Variants in PIP5K1B observed in about 807,000 individuals in gnomAD.
PIP5K1B encodes the protein phosphatidylinositol-4-phosphate 5-kinase type 1 beta.
A neutral mutation model predicts 67.0 loss-of-function variants in PIP5K1B; 42 were observed. That is an observed-to-expected ratio of 0.63 (90% confidence interval 0.49 to 0.81). PIP5K1B has a LOEUF of 0.81. PIP5K1B is among the 30% of genes least tolerant of loss of function. The pLI, the probability that PIP5K1B is intolerant of heterozygous loss-of-function variation, is 0.00. For missense variants in PIP5K1B, 459 were observed against 646.3 expected (o/e 0.71, Z 3.14); for synonymous variants, 214 against 231.4 (o/e 0.92, Z 0.68).
At chr9:68,921,040 T>C (rs776421956) in intron 11 of PIP5K1B, among the ~76,000 whole-genome samples, 9 of 152,202 alleles carry the variant, frequency 5.9e-5, no homozygotes, top group South Asian at 2.1e-4. Context: ...GAGCCCATAA[T>C]TTCTCAGTTC....
chr9:68,725,363 A>C (rs1828101458), intron 1 of PIP5K1B, among the ~76,000 whole-genome samples: 1 of 152,204 alleles, frequency 6.6e-6, no homozygotes, highest in Admixed American at 6.5e-5. Context: ...CTATGGAATG[A>C]AAATCTAGCC....
chr9:68,754,640 T>C (rs4745237), intron 2 of PIP5K1B, among the ~76,000 whole-genome samples: 34,084 of 152,218 alleles, frequency 0.22, 4,650 homozygotes, highest in South Asian at 0.33. Flanking sequence ...GCTCTGATTT[T>C]ATTTTCAGGT....
intron 4 of PIP5K1B, among the ~76,000 whole-genome samples, chr9:68,852,298 G>A (rs1822531889): frequency 6.6e-6 from 1 of 152,078 alleles, no homozygotes. Context: ...ACCATAAGGG[G>A]TAGTTCAGTG....
At chr9:68,910,465 G>C (rs938940207) in intron 8 of PIP5K1B, among the ~76,000 whole-genome samples, 3 of 152,184 alleles carry the variant, frequency 2.0e-5, no homozygotes, top group Non-Finnish European at 4.4e-5. Flanking sequence ...TTAAGATACA[G>C]GGTGTAGTGT....
At chr9:68,791,477 C>A (rs940221274) in intron 2 of PIP5K1B, among the ~76,000 whole-genome samples, 1 of 152,224 alleles carries the variant, frequency 6.6e-6, no homozygotes, top group African/African-American at 2.4e-5. Context: ...TGGTTTTCTT[C>A]ATTGTTTGTT....
intron 4 of PIP5K1B, among the ~76,000 whole-genome samples, chr9:68,842,805 C>T (rs1247484757): frequency 6.6e-6 from 1 of 152,184 alleles, no homozygotes; most frequent in Non-Finnish European, 1.5e-5. Context: ...TCAATAGTGC[C>T]AAAGTTGAGA....
At position 68,924,095 on chromosome 9, in the gene PIP5K1B, A is replaced by G. The variant is rs539192661; in HGVS notation, c.1201+709A>G. On this transcript the variant is annotated intron_variant, in intron 12 of 15. Coordinates refer to ENST00000265382, the MANE Select transcript of PIP5K1B (RefSeq NM_003558.4). Reference sequence around the variant, plus strand: ...AGTGCTCTGAGGAAAATTTATAGCTATAAACTCTTACCTTTAAAAAAAAAA... The same window carrying G: ...AGTGCTCTGAGGAAAATTTATAGCTGTAAACTCTTACCTTTAAAAAAAAAA... Among the ~76,000 whole-genome samples the G allele has an allele frequency of 1.1e-3, 163 of 148,878 alleles. 1 individual carries two copies. Among genetic ancestry groups the G allele is most frequent in the African/African-American group, 3.7e-3 (146 of 39,908 alleles).
chr9:68,855,191 C>T (rs1822703361), intron 4 of PIP5K1B, among the ~76,000 whole-genome samples: 2 of 152,142 alleles, frequency 1.3e-5, no homozygotes, highest in South Asian at 4.1e-4. Flanking sequence ...TTCAAACTCT[C>T]TTTTCTTGGT....
Position 68,705,316 on chromosome 9 carries a change from T to C in PIP5K1B, c.-689T>C, listed in dbSNP as rs1473142185. 6.6e-6 allele frequency: 1 copy of C among 150,914 alleles called. No individual in the cohort carries two copies. The highest frequency in any genetic ancestry group is 1.5e-5 in the Non-Finnish European group (1 of 67,556). 9.3% of individuals were successfully genotyped at this position (150,914 alleles called of 1,614,324 possible). A position where few individuals can be genotyped will look rare whatever the true frequency, so the allele number is the denominator to read the frequency against. ...CGAGCCCGGCGGGCGCCGCTGCTGC[T>C]CCTCTCGGTCCCCGGTTCCCGGTCC... On this transcript the variant is annotated 5_prime_UTR_variant, in exon 1 of 16. Transcript: ENST00000265382.
At chr9:68,852,736 C>T (rs1199135528) in intron 4 of PIP5K1B, among the ~76,000 whole-genome samples, 1 of 152,176 alleles carries the variant, frequency 6.6e-6, no homozygotes, top group Non-Finnish European at 1.5e-5. Flanking sequence ...TATCAGCCAG[C>T]TGGACTGGGG....
intron 2 of PIP5K1B, chr9:68,788,473 G>GC: frequency 5.4e-5 from 5 of 93,116 alleles, no homozygotes; most frequent in Non-Finnish European, 9.0e-5. Context: ...TATCAGGAAG[G>GC]TTTTTGTTTT....
At chr9:68,954,961 A>C (rs1828310388) in intron 14 of PIP5K1B, among the ~76,000 whole-genome samples, 1 of 152,224 alleles carries the variant, frequency 6.6e-6, no homozygotes, top group Non-Finnish European at 1.5e-5. Flanking sequence ...AAGGATGGAA[A>C]AGATGGAAAA....
intron 4 of PIP5K1B, among the ~76,000 whole-genome samples, chr9:68,829,358 C>T (rs2132101442): frequency 6.6e-6 from 1 of 152,282 alleles, no homozygotes; most frequent in Non-Finnish European, 1.5e-5. Flanking sequence ...GGATGAATGA[C>T]CCTTTGGTAT....
chr9:68,863,026 T>C (rs895805945), intron 4 of PIP5K1B, among the ~76,000 whole-genome samples: 2 of 152,154 alleles, frequency 1.3e-5, no homozygotes, highest in African/African-American at 4.8e-5. Context: ...ATCTTTTCTA[T>C]AAAGTAAATG....
At chr9:68,765,221 T>G (rs1830371958) in intron 2 of PIP5K1B, among the ~76,000 whole-genome samples, 1 of 152,150 alleles carries the variant, frequency 6.6e-6, no homozygotes, top group Non-Finnish European at 1.5e-5. Flanking sequence ...ATTTTTAATA[T>G]TTCAAACATT....
At chr9:68,864,448 G>A (rs1195553278) in intron 5 of PIP5K1B, among the ~76,000 whole-genome samples, 2 of 152,108 alleles carry the variant, frequency 1.3e-5, no homozygotes, top group Non-Finnish European at 2.9e-5. Flanking sequence ...AACTTTCCTC[G>A]AGAAAACATG....
chr9:68,889,114 T>C lies in PIP5K1B; in HGVS notation c.452T>C (p.Leu151Pro). The C allele has an allele frequency of 6.2e-7, 1 of 1,613,492 alleles. No homozygotes were observed. Among genetic ancestry groups the C allele is most frequent in the Non-Finnish European group, 8.5e-7 (1 of 1,179,452 alleles). The change falls in exon 7 of 16, where the codon CTA becomes CCA. Residue 151 changes from leucine to proline, a missense_variant. Around this residue, in one of 2 missense-constraint regions of PIP5K1B, gnomAD observed 290 missense variants for 474.4 expected, o/e 0.61. Transcript: ENST00000265382. ...QHKEAEFLQK[L>P]LPGYYMNLNQ... The stretch of plus-strand genomic sequence containing the variant: ...AAAGAAGCTGAGTTTCTTCAGAAGC[T>C]ACTGCCAGGCTATTACATGGTAAGG...
At chr9:68,802,557 GAGTT>G (rs1832656693) in intron 2 of PIP5K1B, among the ~76,000 whole-genome samples, 1 of 152,182 alleles carries the variant, frequency 6.6e-6, no homozygotes, top group Non-Finnish European at 1.5e-5. Flanking sequence ...TGTCACAATA[GAGTT>G]AGTCCCAGAG....
At chr9:68,856,154 G>A (rs1822769411) in intron 4 of PIP5K1B, among the ~76,000 whole-genome samples, 1 of 152,080 alleles carries the variant, frequency 6.6e-6, no homozygotes, top group South Asian at 2.1e-4. Context: ...ATAAGACCCA[G>A]ATCTCAGTCT....
Sources: allele counts gnomAD v4.1 joint callset (sites outside exome capture counted in the v4.1 genomes callset), GRCh38; gene constraint gnomAD v4.1.1; regional missense constraint gnomAD v4.1.1; transcripts MANE v1.5; gene names NCBI Gene and HGNC (gene_info 2026-07-23, HGNC 2026-07-21).